The following LIPG variants were observed in gnomAD, a reference collection of about 807,000 sequenced individuals.
The protein encoded by LIPG is lipase G, endothelial type, also known as endothelial lipase.
In LIPG, 34 loss-of-function variants were observed where a neutral mutation model predicts 51.8. The ratio of observed to expected loss-of-function variants is 0.66; its 90% CI spans 0.50 to 0.87. The LOEUF (loss-of-function observed/expected upper bound fraction) is 0.87. Among genes scored for constraint, LIPG ranks in the 40% least tolerant of loss-of-function variants. The pLI, the probability that LIPG is intolerant of heterozygous loss-of-function variation, is 0.00. For synonymous variants in LIPG, 246 were observed against 246.1 expected, an observed-to-expected ratio of 1.00 and a Z score of 0.00; for missense variants, 580 against 652.7, an observed-to-expected ratio of 0.89 and a Z score of 1.21.
At position 49,591,454 on chromosome 18, in the gene LIPG, G is replaced by C. The variant is rs1160828691; in HGVS notation, c.*932G>C. On this transcript the variant is annotated 3_prime_UTR_variant, in exon 10 of 10. Transcript: ENST00000261292. Reference sequence around the variant, plus strand: ...AGCAAGCAGAGTATCATTCATGCTGGGGCCAGAATGATGGCCGGTTGCCAG... The same window carrying C: ...AGCAAGCAGAGTATCATTCATGCTGCGGCCAGAATGATGGCCGGTTGCCAG... The C allele has an allele frequency of 6.6e-6, 1 of 152,168 alleles. No individual in the cohort carries two copies. Among genetic ancestry groups the C allele is most frequent in the Non-Finnish European group, 1.5e-5 (1 of 68,026 alleles). The allele number at this position is 152,168 out of a possible 1,614,324, so 9.4% of individuals were successfully genotyped here.
chr18:49,566,500 C>G (rs561028606), intron 2 of LIPG, among the ~76,000 whole-genome samples: 1 of 152,266 alleles, frequency 6.6e-6, no homozygotes, highest in Non-Finnish European at 1.5e-5. Flanking sequence ...GGTTCCCAGG[C>G]TAGGCACAGA....
At chr18:49,561,955 C>G, upstream of LIPG, 1 of 1,368,430 alleles carries the variant, frequency 7.3e-7, no homozygotes, top group Non-Finnish European at 9.4e-7. Flanking sequence ...CAAGGTGTGA[C>G]CAATCAGAGC....
At position 49,583,608 on chromosome 18, in the gene LIPG, G is replaced by C. The variant is rs748339975; in HGVS notation, c.1210G>C (p.Glu404Gln). 6.2e-7 allele frequency: 1 copy of C among 1,614,214 alleles called. No individual in the cohort carries two copies. The highest frequency in any genetic ancestry group is 1.1e-5 in the South Asian group (1 of 91,082). The change falls in exon 8 of 10, where the codon GAG (glutamate) becomes CAG (glutamine). Residue 404 changes from glutamate (E) to glutamine (Q), a missense_variant. Coordinates refer to ENST00000261292, the MANE Select transcript of LIPG (RefSeq NM_006033.4). Reference sequence around the variant, plus strand: ...CAACACCTTCCTGGTCTACACCGAGGAGGACTTGGGAGACCTCTTGAAGAT... The same window carrying C: ...CAACACCTTCCTGGTCTACACCGAGCAGGACTTGGGAGACCTCTTGAAGAT... Reference protein sequence around the residue: ...ATNTFLVYTEEDLGDLLKIQL... With the variant: ...ATNTFLVYTEQDLGDLLKIQL...
At chr18:49,585,604 C>A (rs1394308992) in intron 8 of LIPG, among the ~76,000 whole-genome samples, 1 of 152,148 alleles carries the variant, frequency 6.6e-6, no homozygotes, top group Non-Finnish European at 1.5e-5. Context: ...TTTGTAGTTA[C>A]AAATGGTGCT....
intron 4 of LIPG, among the ~76,000 whole-genome samples, chr18:49,573,299 A>G (rs2084682530): frequency 6.6e-6 from 1 of 152,172 alleles, no homozygotes; most frequent in Non-Finnish European, 1.5e-5. Flanking sequence ...GGCCTCTGAA[A>G]TGGGTTGTCG....
At position 49,598,013 on chromosome 18, in the gene LIPG, C is replaced by T. The variant is rs2084991478; in HGVS notation, c.*7491C>T. The T allele has an allele frequency of 6.6e-6, 1 of 152,170 alleles. No individual in the cohort carries two copies. Among genetic ancestry groups the T allele is most frequent in the South Asian group, 2.1e-4 (1 of 4,826 alleles). 9.4% of individuals were successfully genotyped at this position (152,170 alleles called of 1,614,324 possible). A position where few individuals can be genotyped will look rare whatever the true frequency, so the allele number is the denominator to read the frequency against. On this transcript the variant is annotated 3_prime_UTR_variant, in exon 10 of 10. Coordinates refer to ENST00000261292, the MANE Select transcript of LIPG (RefSeq NM_006033.4). ...ATTTTCATTTTCCTGCCAGAGATGT[C>T]AGTCTTACTATTCATCCTGTATCCT...
rs1382369805 is a variant in LIPG at position 49,579,759 on chromosome 18, CTTTCCTTTCTTTTCTTTTCT to C, written c.794-1651_794-1632del. Among the ~76,000 whole-genome samples, 33 of 109,588 alleles carry C rather than the reference CTTTCCTTTCTTTTCTTTTCT, an allele frequency of 3.0e-4. No homozygotes were observed. The East Asian group carries it at 5.3e-3, about 18-fold the overall frequency. 71.9% of individuals were successfully genotyped at this position (109,588 alleles called of 152,430 possible). A position where few individuals can be genotyped will look rare whatever the true frequency, so the allele number is the denominator to read the frequency against. ...GATGGCCTTTCTTTCCTTTCCTTTC[CTTTCCTTTCTTTTCTTTTCT>C]TTTCTTTTCTTTTCTTTTCTTTTCT... On this transcript the variant is annotated intron_variant, in intron 5 of 9. Coordinates refer to ENST00000261292, the MANE Select transcript of LIPG (RefSeq NM_006033.4).
rs975353380 is a variant in LIPG, at chr18:49,596,119, C to T, written c.*5597C>T. ...CTACATAACAAACCTGCATACGTAC[C>T]CCTGAAACTAAAGTAGAAGTTAAAA... On this transcript the variant is annotated 3_prime_UTR_variant, in exon 10 of 10. Coordinates refer to ENST00000261292, the MANE Select transcript of LIPG (RefSeq NM_006033.4). 2.0e-5 allele frequency: 3 copies of T among 151,950 alleles called. No homozygotes were observed. The highest frequency in any genetic ancestry group is 7.2e-5 in the African/African-American group (3 of 41,402). 9.4% of individuals were successfully genotyped at this position (151,950 alleles called of 1,614,324 possible).
intron 4 of LIPG, among the ~76,000 whole-genome samples, chr18:49,573,892 G>C (rs1184659069): frequency 2.0e-5 from 3 of 152,156 alleles, no homozygotes; most frequent in Non-Finnish European, 4.4e-5. Context: ...GACATTTGGG[G>C]CCAGGTAAGG....
Position 49,583,614 on chromosome 18 carries a change from T to C in LIPG, c.1216T>C (p.Leu406=). The part of the protein sequence containing the change: ...NTFLVYTEED[L]GDLLKIQLTW... ...CTTCCTGGTCTACACCGAGGAGGACTTGGGAGACCTCTTGAAGATCCAGCT... is the reference window on the plus strand; with the variant it reads ...CTTCCTGGTCTACACCGAGGAGGACCTGGGAGACCTCTTGAAGATCCAGCT... Residue 406 remains leucine (L), a synonymous_variant, in exon 8 of 10, where the codon TTG becomes CTG. Transcript: ENST00000261292. 2 of 1,614,182 alleles carry C rather than the reference T, an allele frequency of 1.2e-6. No individual in the cohort carries two copies. The highest frequency in any genetic ancestry group is 1.7e-6 in the Non-Finnish European group (2 of 1,180,028).
rs1479997962 is a variant in LIPG at position 49,578,131 on chromosome 18, C to A, written c.793+2541C>A. Among the ~76,000 whole-genome samples, 109 of 124,312 alleles carry A rather than the reference C, an allele frequency of 8.8e-4. 4 individuals are homozygous for A. Among genetic ancestry groups the A allele is most frequent in the Non-Finnish European group, 1.3e-3 (77 of 57,528 alleles). The allele number at this position is 124,312 out of a possible 152,430, so 81.6% of individuals were successfully genotyped here. On this transcript the variant is annotated intron_variant, in intron 5 of 9. Transcript: ENST00000261292. The stretch of plus-strand genomic sequence containing the variant: ...GCCGGGCGGGGGGCTGACCCCCCCC[C>A]ACCTCCCTCCCGGACGGGGTGGCTG...
chr18:49,587,106 T>TA (rs11354327), intron 9 of LIPG, among the ~76,000 whole-genome samples: 5,311 of 128,470 alleles, frequency 0.041, 330 homozygotes, highest in African/African-American at 0.14. Context: ...CCATCTCTAC[T>TA]AAAAAAAAAA....
rs2084705103 is a variant in LIPG, at chr18:49,575,403, C to CGACATCCACAAGAGGCT, written c.607_623dup (p.Ser209ThrfsTer26). The CGACATCCACAAGAGGCT allele has an allele frequency of 2.5e-6, 4 of 1,613,378 alleles. 1 individual carries two copies. The East Asian group carries it at 8.9e-5, about 36-fold the overall frequency. Reference sequence around the variant, plus strand: ...CTGCCGGGCCCATGTTTGAAGGGGCCGACATCCACAAGAGGCTCTCTCCGG... The same window carrying CGACATCCACAAGAGGCT: ...CTGCCGGGCCCATGTTTGAAGGGGCCGACATCCACAAGAGGCTGACATCCACAAGAGGCTCTCTCCGG... On this transcript the variant is annotated frameshift_variant, in exon 5 of 10. Coordinates refer to ENST00000261292, the MANE Select transcript of LIPG (RefSeq NM_006033.4). LOFTEE classifies it high-confidence loss of function.
At position 49,587,787 on chromosome 18, in the gene LIPG, A is replaced by G. The variant is rs544620021; in HGVS notation, c.1481+937A>G. Among the ~76,000 whole-genome samples, 4 of 111,424 alleles carry G rather than the reference A, an allele frequency of 3.6e-5. No homozygotes were observed. In the South Asian group the frequency reaches 1.4e-3, roughly 40 times the overall value. The allele number at this position is 111,424 out of a possible 152,430, so 73.1% of individuals were successfully genotyped here. Reference sequence around the variant, plus strand: ...TGCCCATTCCTGCCATCTTTGAAGTATCTTTTTTTTTTTCCTTTGAGACAT... The same window carrying G: ...TGCCCATTCCTGCCATCTTTGAAGTGTCTTTTTTTTTTTCCTTTGAGACAT... On this transcript the variant is annotated intron_variant, in intron 9 of 9. Coordinates refer to ENST00000261292, the MANE Select transcript of LIPG (RefSeq NM_006033.4).
intron 5 of LIPG, among the ~76,000 whole-genome samples, chr18:49,580,258 C>T (rs946928515): frequency 6.6e-6 from 1 of 152,182 alleles, no homozygotes; most frequent in Non-Finnish European, 1.5e-5. Context: ...CTCTATGACC[C>T]TGAGCAGATT....
Position 49,565,314 on chromosome 18 carries a change from C to A in LIPG, c.98-3C>A. 1 of 1,613,854 alleles carries A rather than the reference C, an allele frequency of 6.2e-7. No individual in the cohort carries two copies. The highest frequency in any genetic ancestry group is 8.5e-7 in the Non-Finnish European group (1 of 1,179,984). On this transcript the variant is annotated splice_region_variant and splice_polypyrimidine_tract_variant and intron_variant, in intron 1 of 9. Coordinates refer to ENST00000261292, the MANE Select transcript of LIPG (RefSeq NM_006033.4). Reference sequence around the variant, plus strand: ...GCACCCACGCTCTGTTCTGTCTCCCCAGATAAGCTCCACAAACCCAAAGCT... The same window carrying A: ...GCACCCACGCTCTGTTCTGTCTCCCAAGATAAGCTCCACAAACCCAAAGCT...
Position 49,595,295 on chromosome 18 carries a change from T to C in LIPG, c.*4773T>C, listed in dbSNP as rs549274347. Reference sequence around the variant, plus strand: ...AAATTAGATATAAGAAACTAGGTGCTTAAACAGGCAGGAGGTAATCTGGGA... The same window carrying C: ...AAATTAGATATAAGAAACTAGGTGCCTAAACAGGCAGGAGGTAATCTGGGA... On this transcript the variant is annotated 3_prime_UTR_variant, in exon 10 of 10. Coordinates refer to ENST00000261292, the MANE Select transcript of LIPG (RefSeq NM_006033.4). The C allele has an allele frequency of 6.6e-6, 1 of 152,240 alleles. No homozygotes were observed. The highest frequency in any genetic ancestry group is 2.1e-4 in the South Asian group (1 of 4,820). 9.4% of individuals were successfully genotyped at this position (152,240 alleles called of 1,614,324 possible).
intron 5 of LIPG, among the ~76,000 whole-genome samples, chr18:49,579,535 T>G (rs1459581154): frequency 6.6e-6 from 1 of 150,900 alleles, no homozygotes; most frequent in Non-Finnish European, 1.5e-5. Flanking sequence ...TTTGGGGGGG[T>G]TTCTTATCCT....
chr18:49,583,126 T>A (rs1250837319), intron 7 of LIPG, among the ~76,000 whole-genome samples: 1 of 151,906 alleles, frequency 6.6e-6, no homozygotes, highest in Non-Finnish European at 1.5e-5. Flanking sequence ...ATGGATGAGG[T>A]CTGTGGGGGG....
Sources: gnomAD v4.1 joint callset for allele counts (sites outside exome capture counted in the v4.1 genomes callset) on GRCh38, gnomAD v4.1.1 for gene constraint, MANE v1.5 for transcripts, NCBI Gene and HGNC (gene_info 2026-07-23, HGNC 2026-07-21) for gene names.